Variants in LAMA2 observed in about 807,000 individuals in gnomAD.
LAMA2 encodes laminin subunit alpha-2.
In LAMA2, 269 loss-of-function variants were observed where a neutral mutation model predicts 364.8. The observed-to-expected ratio is 0.74, with a 90% CI of 0.67 to 0.82. LAMA2 has a LOEUF of 0.82. Among genes scored for constraint, LAMA2 ranks in the 40% least tolerant of loss-of-function variants. The pLI, the probability that LAMA2 is intolerant of heterozygous loss-of-function variation, is 0.00. For synonymous variants in LAMA2, 1,379 were observed against 1,370.6 expected, an observed-to-expected ratio of 1.01 and a Z score of -0.14; for missense variants, 3,807 against 3,873.2, an observed-to-expected ratio of 0.98 and a Z score of 0.45.
intron 56 of LAMA2, among the ~76,000 whole-genome samples, chr6:129,490,200 A>G (rs1027298536): frequency 3.3e-5 from 5 of 152,244 alleles, no homozygotes; most frequent in Non-Finnish European, 5.9e-5. Flanking sequence ...ATACAGCCTC[A>G]GGGCAATCCC....
chr6:129,391,434 T>G, intron 35 of LAMA2, 57 bp from the exon 36 acceptor site: 1 of 1,406,166 alleles, frequency 7.1e-7, no homozygotes, highest in Admixed American at 1.7e-5. Context: ...CTGAATACCA[T>G]GTTTTCATGT....
intron 22 of LAMA2, among the ~76,000 whole-genome samples, chr6:129,310,911 G>T (rs1175333244): frequency 2.0e-5 from 3 of 152,008 alleles, no homozygotes; most frequent in Admixed American, 1.3e-4. Context: ...GTAGGCAAAT[G>T]CATGTCTGTA....
At position 129,050,024 on chromosome 6, in the gene LAMA2, C is replaced by G. The variant is rs767540192; in HGVS notation, c.219C>G (p.Val73=). The change falls in exon 2 of 65, where the codon GTC becomes GTG. Residue 73 remains valine (V), a synonymous_variant. Coordinates refer to ENST00000421865, the MANE Select transcript of LAMA2 (RefSeq NM_000426.4). ...TGTACTGCAAATTGGTAGAACATGTCCCTGGGCAGCCTGTGAGGAACCCGC... is the reference window on the plus strand; with the variant it reads ...TGTACTGCAAATTGGTAGAACATGTGCCTGGGCAGCCTGTGAGGAACCCGC... The part of the protein sequence containing the change: ...PEMYCKLVEH[V]PGQPVRNPQC... 6.2e-7 allele frequency: 1 copy of G among 1,614,068 alleles called. No homozygotes were observed.
chr6:129,444,368 CAG>C (rs1441558323), intron 44 of LAMA2, among the ~76,000 whole-genome samples: 1 of 151,978 alleles, frequency 6.6e-6, no homozygotes, highest in Non-Finnish European at 1.5e-5. Flanking sequence ...TGTAGAATGT[CAG>C]AATAACAATG....
In LAMA2 at chr6:129,009,602, A is replaced by G. The variant is rs543234568; in HGVS notation, c.113-40316A>G. Among the ~76,000 whole-genome samples the G allele has an allele frequency of 9.2e-5, 14 of 152,340 alleles. No individual in the cohort carries two copies. In the South Asian group the frequency reaches 2.9e-3, roughly 32 times the overall value. ...CAGATGCAGTTAGAAGGAAAAGACT[A>G]TGAATGTAGGTTCAGGGCCAGAGGA... On this transcript the variant is annotated intron_variant, in intron 1 of 64. Coordinates refer to ENST00000421865, the MANE Select transcript of LAMA2 (RefSeq NM_000426.4).
chr6:128,911,735 A>G (rs1777976712), intron 1 of LAMA2, among the ~76,000 whole-genome samples: 1 of 152,196 alleles, frequency 6.6e-6, no homozygotes, highest in African/African-American at 2.4e-5. Flanking sequence ...ACAAATATAT[A>G]TATACCCATA....
intron 12 of LAMA2, among the ~76,000 whole-genome samples, chr6:129,229,457 A>G (rs1784537755): frequency 6.6e-6 from 1 of 152,122 alleles, no homozygotes; most frequent in African/African-American, 2.4e-5. Context: ...GGGGAAGGGG[A>G]AAATATCGTA....
chr6:129,481,294 G>A lies in LAMA2; in HGVS notation c.7604G>A (p.Gly2535Asp), dbSNP rs374210667. 26 of 1,613,600 alleles carry A rather than the reference G, an allele frequency of 1.6e-5. No individual in the cohort carries two copies. Among genetic ancestry groups the A allele is most frequent in the Admixed American group, 8.3e-5 (5 of 59,952 alleles). ...NVYTVSFPKPGFVELSPVPID... is the reference protein window; with the variant it reads ...NVYTVSFPKPDFVELSPVPID... ...TACACAGTTAGCTTTCCTAAGCCTGGTTTTGTGGAGCTCTCCCCTGTGCCA... is the reference window on the plus strand; with the variant it reads ...TACACAGTTAGCTTTCCTAAGCCTGATTTTGTGGAGCTCTCCCCTGTGCCA... The change falls in exon 55 of 65, where the codon GGT becomes GAT. Residue 2535 changes from glycine (G) to aspartate (D), a missense_variant. By Grantham distance (94) the Gly-to-Asp change is moderately conservative. This residue lies in a region of LAMA2 where 3,333 missense variants were observed against 3,345.7 expected (regional missense o/e 1.00). Coordinates refer to ENST00000421865, the MANE Select transcript of LAMA2 (RefSeq NM_000426.4).
chr6:129,459,736 G>C lies in LAMA2; in HGVS notation c.6868-464G>C, dbSNP rs531530869. The stretch of plus-strand genomic sequence containing the variant: ...GGGGAAAAAGCTTTGTGTATGCATG[G>C]CCCAAATTTGCCCAAAGAAAATTAT... On this transcript the variant is annotated intron_variant, in intron 48 of 64. Transcript: ENST00000421865. Among the ~76,000 whole-genome samples, 74 of 152,130 alleles carry C rather than the reference G, an allele frequency of 4.9e-4. No homozygotes were observed. In the South Asian group the frequency reaches 0.015, roughly 31 times the overall value.
At chr6:129,467,384 T>G (rs1783595838) in intron 51 of LAMA2, among the ~76,000 whole-genome samples, 1 of 151,672 alleles carries the variant, frequency 6.6e-6, no homozygotes, top group Admixed American at 6.6e-5. Context: ...GGGGTGAAGA[T>G]TTAAAAATCG....
chr6:129,453,427 A>T (rs536153845), intron 46 of LAMA2, among the ~76,000 whole-genome samples: 1 of 152,306 alleles, frequency 6.6e-6, no homozygotes, highest in East Asian at 1.9e-4. Context: ...GCTAATGAGA[A>T]TAAAGCTATT....
rs182659606 is a variant in LAMA2 at position 129,305,026 on chromosome 6, G to A, written c.3174+4154G>A. 7.4e-4 allele frequency among the ~76,000 whole-genome samples: 112 copies of A among 152,278 alleles called. 2 individuals are homozygous for A. The highest frequency in any genetic ancestry group is 2.6e-3 in the African/African-American group (107 of 41,560). On this transcript the variant is annotated intron_variant, in intron 22 of 64. Coordinates refer to ENST00000421865, the MANE Select transcript of LAMA2 (RefSeq NM_000426.4). ...ACATGTTCTCTCAGTTACTGAGAGT[G>A]TTGGACTATAACTTTGTCCGTTTCT... is the stretch of plus-strand genomic sequence containing the variant.
intron 20 of LAMA2, among the ~76,000 whole-genome samples, chr6:129,292,607 G>A (rs977408763): frequency 1.3e-5 from 2 of 152,162 alleles, no homozygotes; most frequent in African/African-American, 2.4e-5. Flanking sequence ...CCTCCATGAG[G>A]GTGGACAGAT....
At chr6:128,996,090 A>G (rs573498254) in intron 1 of LAMA2, among the ~76,000 whole-genome samples, 4 of 152,356 alleles carry the variant, frequency 2.6e-5, no homozygotes, top group Admixed American at 2.6e-4. Context: ...ATAATTGTAT[A>G]TGCGGTAAGT....
At position 129,192,831 on chromosome 6, in the gene LAMA2, C is replaced by T. The variant is rs981472642; in HGVS notation, c.1760C>T (p.Pro587Leu). 5 of 1,613,984 alleles carry T rather than the reference C, an allele frequency of 3.1e-6. No individual in the cohort carries two copies. The highest frequency in any genetic ancestry group is 3.4e-6 in the Non-Finnish European group (4 of 1,179,924). ...CCGCACAGCTACTACTGGAGCGCGC[C>T]GGCTCCCTATCTGGGAAACAAAGTA... ...ALPHSYYWSA[P>L]APYLGNKLPA... Residue 587 changes from proline (P) to leucine (L), a missense_variant, in exon 12 of 65, where the codon CCG becomes CTG. Transcript: ENST00000421865.
intron 12 of LAMA2, among the ~76,000 whole-genome samples, chr6:129,228,492 A>G (rs1438908655): frequency 6.6e-6 from 1 of 152,290 alleles, no homozygotes; most frequent in African/African-American, 2.4e-5. Context: ...ATTGTAATAT[A>G]TTGTTGAGAG....
chr6:129,345,201 G>C (rs1297700643), intron 30 of LAMA2, among the ~76,000 whole-genome samples: 1 of 152,266 alleles, frequency 6.6e-6, no homozygotes, highest in Non-Finnish European at 1.5e-5. Context: ...GTTGGTTCAA[G>C]GGGAGGAATA....
chr6:129,473,611 T>C (rs1459029878), intron 52 of LAMA2, among the ~76,000 whole-genome samples: 1 of 152,056 alleles, frequency 6.6e-6, no homozygotes, highest in East Asian at 1.9e-4. Flanking sequence ...ATTATGAAAG[T>C]AATTAAAGGT....
chr6:129,410,752 AGAT>A (rs1228123326), intron 40 of LAMA2, among the ~76,000 whole-genome samples: 2 of 128,954 alleles, frequency 1.6e-5, no homozygotes, highest in African/African-American at 6.1e-5. Flanking sequence ...ATAGATAGAT[AGAT>A]AATAGATTAG....
Sources: gnomAD v4.1 joint callset for allele counts (sites outside exome capture counted in the v4.1 genomes callset) on GRCh38, gnomAD v4.1.1 for gene constraint, gnomAD v4.1.1 regional missense constraint, MANE v1.5 for transcripts, NCBI Gene and HGNC (gene_info 2026-07-23, HGNC 2026-07-21) for gene names.